FGF12: variants seen among roughly 807,000 people sequenced by gnomAD.
FGF12 encodes fibroblast growth factor 12B.
FGF12 carries 14 observed loss-of-function variants against 23.6 expected under a neutral mutation model. That is an observed-to-expected ratio of 0.59 (90% CI 0.39 to 0.93). FGF12 has a LOEUF of 0.93. Ranked by LOEUF, FGF12 falls within the 40% of genes least tolerant of loss-of-function variation. The pLI, the probability that FGF12 is intolerant of heterozygous loss-of-function variation, is 0.00. For missense variants in FGF12, 175 were observed against 217.8 expected (o/e 0.80, Z 1.24); for synonymous variants, 62 against 77.3 (o/e 0.80, Z 1.04).
At chr3:192,268,018 A>T (rs1421958185) in intron 4 of FGF12, among the ~76,000 whole-genome samples, 2 of 152,152 alleles carry the variant, frequency 1.3e-5, no homozygotes, top group Non-Finnish European at 1.5e-5. Flanking sequence ...TGTTCTCCCA[A>T]GGGATGGATA....
chr3:192,446,324 C>T (rs1303686745), intron 2 of FGF12, among the ~76,000 whole-genome samples: 1 of 152,120 alleles, frequency 6.6e-6, no homozygotes, highest in African/African-American at 2.4e-5. Flanking sequence ...CTTTCAGAAT[C>T]GGCAATTCAG....
chr3:192,335,503 C>G, intron 3 of FGF12, 39 bp from the exon 4 acceptor site: 1 of 1,219,862 alleles, frequency 8.2e-7, no homozygotes, highest in Non-Finnish European at 1.2e-6. Context: ...GATCAGTGAC[C>G]TTTTGAATAA....
At chr3:192,451,069 A>G (rs533255224) in intron 2 of FGF12, among the ~76,000 whole-genome samples, 5 of 152,346 alleles carry the variant, frequency 3.3e-5, no homozygotes, top group Admixed American at 3.3e-4. Flanking sequence ...TCTACTTTGT[A>G]TGGTGACTAC....
intron 4 of FGF12, among the ~76,000 whole-genome samples, chr3:192,182,003 A>C (rs1233860853): frequency 6.6e-6 from 1 of 152,204 alleles, no homozygotes; most frequent in Non-Finnish European, 1.5e-5. Context: ...AACAATAAAC[A>C]GCAGAAAAAA....
rs1233005474 is a variant in FGF12, at chr3:192,378,026, T to TCTCTC, written c.14-17489_14-17488insGAGAG. ...GAGATCCCTTTCTTCTGACTCTTTC[T>TCTCTC]TTTCTTTCTTTCTTTCTTTCTTTCT... On this transcript the variant is annotated intron_variant, in intron 2 of 5. Transcript: ENST00000445105. 6.3e-4 allele frequency among the ~76,000 whole-genome samples: 44 copies of TCTCTC among 69,456 alleles called. 2 individuals carry two copies. The highest frequency in any genetic ancestry group is 3.0e-3 in the African/African-American group (41 of 13,558). The allele number at this position is 69,456 out of a possible 152,430, so 45.6% of individuals were successfully genotyped here.
chr3:192,153,025 C>T (rs1432149345), intron 5 of FGF12, among the ~76,000 whole-genome samples: 12 of 65,296 alleles, frequency 1.8e-4, no homozygotes, highest in Non-Finnish European at 2.6e-4. Context: ...ATATTTAGGA[C>T]AGTTAGCTCT....
chr3:192,144,389 T>C (rs891115046), intron 5 of FGF12, among the ~76,000 whole-genome samples: 4 of 149,322 alleles, frequency 2.7e-5, no homozygotes, highest in Admixed American at 6.7e-5. Context: ...CTTGAATCTT[T>C]ACAGTTTCCT....
intron 2 of FGF12, among the ~76,000 whole-genome samples, chr3:192,474,715 G>C (rs553576081): frequency 3.9e-5 from 6 of 151,970 alleles, no homozygotes; most frequent in Non-Finnish European, 8.8e-5. Context: ...GTGAAACCCT[G>C]TCTCTACTAA....
At chr3:192,196,807 A>G (rs1717091703) in intron 4 of FGF12, among the ~76,000 whole-genome samples, 2 of 152,198 alleles carry the variant, frequency 1.3e-5, no homozygotes, top group African/African-American at 4.8e-5. Flanking sequence ...ATGAAGACAC[A>G]GGGTAAAATT....
intron 2 of FGF12, among the ~76,000 whole-genome samples, chr3:192,706,450 CG>C (rs1718474762): frequency 6.6e-6 from 1 of 152,076 alleles, no homozygotes; most frequent in East Asian, 1.9e-4. Context: ...GAACAGCACC[CG>C]GATGAATTCC....
intron 4 of FGF12, among the ~76,000 whole-genome samples, chr3:192,267,521 T>C (rs1410904917): frequency 6.6e-6 from 1 of 152,182 alleles, no homozygotes; most frequent in Non-Finnish European, 1.5e-5. Context: ...TCTCCAAGTC[T>C]ATGCAAGAGA....
At chr3:192,432,546 T>C (rs551132142) in intron 2 of FGF12, among the ~76,000 whole-genome samples, 39 of 149,756 alleles carry the variant, frequency 2.6e-4, no homozygotes, top group Non-Finnish European at 4.0e-4. Flanking sequence ...GAAATTGTCA[T>C]GTTGTGAACC....
chr3:192,299,714 C>G (rs1715234011), intron 4 of FGF12, among the ~76,000 whole-genome samples: 1 of 152,026 alleles, frequency 6.6e-6, no homozygotes, highest in Non-Finnish European at 1.5e-5. Context: ...TTAAATATTA[C>G]CTGATGAGTT....
At chr3:192,660,405 A>G (rs1716617352) in intron 2 of FGF12, among the ~76,000 whole-genome samples, 1 of 151,080 alleles carries the variant, frequency 6.6e-6, no homozygotes, top group Non-Finnish European at 1.5e-5. Flanking sequence ...GATATACCTC[A>G]TGTTAAATGA....
intron 2 of FGF12, among the ~76,000 whole-genome samples, chr3:192,457,462 G>T (rs2108805112): frequency 6.6e-6 from 1 of 152,306 alleles, no homozygotes; most frequent in Middle Eastern, 3.4e-3. Flanking sequence ...CTCAGATGGA[G>T]ATGAGGAACT....
rs866092643 is a variant in FGF12, at chr3:192,155,185, G to A, written c.428-11058C>T. On this transcript the variant is annotated intron_variant, in intron 5 of 5. Transcript: ENST00000445105. ...CCCTGCTTCGGCTCGCGCACGGTGC[G>A]CGCACCCACTGACCTGCGCCCACTG... 2.2e-3 allele frequency among the ~76,000 whole-genome samples: 331 copies of A among 151,784 alleles called. 1 individual carries two copies. The highest frequency in any genetic ancestry group is 3.4e-3 in the Admixed American group (52 of 15,256).
intron 2 of FGF12, among the ~76,000 whole-genome samples, chr3:192,400,369 C>CTTTT (rs5855423): frequency 6.9e-5 from 9 of 130,782 alleles, no homozygotes; most frequent in East Asian, 2.2e-4. Context: ...ACATTCTTTT[C>CTTTT]TTTTTTTTTT....
rs142118521 is a variant in FGF12 at position 192,705,657 on chromosome 3, T to G, written c.13+21524A>C. ...TGAAAGTTATAATAATAGAATAACT[T>G]AAAAGACTGTAAGAATTACCAAAAT... On this transcript the variant is annotated intron_variant, in intron 2 of 5. Transcript: ENST00000445105. Among the ~76,000 whole-genome samples the G allele has an allele frequency of 4.8e-3, 734 of 152,290 alleles. 8 individuals are homozygous for G. Among genetic ancestry groups the G allele is most frequent in the African/African-American group, 0.017 (693 of 41,552 alleles).
In FGF12 at chr3:192,689,662, A is replaced by G. The variant is rs74605596; in HGVS notation, c.13+37519T>C. On this transcript the variant is annotated intron_variant, in intron 2 of 5. Transcript: ENST00000445105. ...AAAAGGAATGAAAATTTTATGTGAT[A>G]TATAAAACACCATCAAGAGAGCTAT... Among the ~76,000 whole-genome samples the G allele has an allele frequency of 3.2e-3, 486 of 152,146 alleles. 5 individuals carry two copies. Among genetic ancestry groups the G allele is most frequent in the African/African-American group, 0.011 (472 of 41,564 alleles).
Sources: gnomAD v4.1 joint callset for allele counts (sites outside exome capture counted in the v4.1 genomes callset) on GRCh38, gnomAD v4.1.1 for gene constraint, MANE v1.5 for transcripts, NCBI Gene and HGNC (gene_info 2026-07-23, HGNC 2026-07-21) for gene names.